PROM1: variants seen among roughly 807,000 people sequenced by gnomAD.
The protein encoded by PROM1 is prominin-1.
A neutral mutation model predicts 116.9 loss-of-function variants in PROM1; 105 were observed. That is an observed-to-expected ratio of 0.90 (90% CI 0.77 to 1.06). PROM1 has a LOEUF of 1.06. PROM1 is among the 50% of genes least tolerant of loss of function. PROM1 has a pLI of 0.00. For synonymous variants in PROM1, 393 were observed against 387.0 expected, an observed-to-expected ratio of 1.02 and a Z score of -0.18; for missense variants, 1,122 against 1,045.2, an observed-to-expected ratio of 1.07 and a Z score of -1.01.
In PROM1 at chr4:16,033,443, G is replaced by A. The variant is rs766545681; in HGVS notation, c.370C>T (p.Pro124Ser). Reference protein sequence around the residue: ...VLGLLFIILMPLVGYFFCMCR... With the variant: ...VLGLLFIILMSLVGYFFCMCR... ...ATACAAAAGAAATACCCCACCAGAGGCATCAGAATAATAAACAGCAGCCCC... is the reference window on the plus strand; with the variant it reads ...ATACAAAAGAAATACCCCACCAGAGACATCAGAATAATAAACAGCAGCCCC... Residue 124 changes from proline (P) to serine (S), a missense_variant, in exon 5 of 28, where the codon CCT (proline) becomes TCT (serine). Physicochemically the swap from Pro to Ser is moderately conservative, Grantham distance 74. Transcript: ENST00000447510. The A allele has an allele frequency of 6.2e-7, 1 of 1,613,488 alleles. No homozygotes were observed. The highest frequency in any genetic ancestry group is 8.5e-7 in the Non-Finnish European group (1 of 1,179,654).
At position 16,023,199 on chromosome 4, in the gene PROM1, C is replaced by T. The variant is rs970418592; in HGVS notation, c.784+127G>A. 5 of 773,810 alleles carry T rather than the reference C, an allele frequency of 6.5e-6. No homozygotes were observed. The East Asian group carries it at 1.4e-4, about 21-fold the overall frequency. The allele number at this position is 773,810 out of a possible 1,614,324, so 47.9% of individuals were successfully genotyped here. ...AACACAGTGTCTTGACCTGAACTGTCTGCATGGCCACGGACGGTGGCTCTC... is the reference window on the plus strand; with the variant it reads ...AACACAGTGTCTTGACCTGAACTGTTTGCATGGCCACGGACGGTGGCTCTC... On this transcript the variant is annotated intron_variant, in intron 8 of 27. Coordinates refer to ENST00000447510, the MANE Select transcript of PROM1 (RefSeq NM_006017.3).
chr4:16,050,218 G>A (rs1024685274), intron 2 of PROM1, among the ~76,000 whole-genome samples: 12 of 151,384 alleles, frequency 7.9e-5, no homozygotes, highest in African/African-American at 2.9e-4. Context: ...CCGAGATCAT[G>A]CCACTGAACT....
At chr4:16,003,496 G>T (rs1480910403) in intron 13 of PROM1, 1 of 443,436 alleles carries the variant, frequency 2.3e-6, no homozygotes, top group Non-Finnish European at 4.6e-6. Context: ...ACCTGTGGCT[G>T]CTCTTGGCAT....
chr4:16,068,399 G>A (rs990040904), intron 2 of PROM1, among the ~76,000 whole-genome samples: 3 of 152,162 alleles, frequency 2.0e-5, no homozygotes, highest in Non-Finnish European at 4.4e-5. Flanking sequence ...TTCCCAAACA[G>A]GCCAGTTGCT....
chr4:16,065,296 A>G (rs1277319697), intron 2 of PROM1, among the ~76,000 whole-genome samples: 1 of 152,096 alleles, frequency 6.6e-6, no homozygotes, highest in Admixed American at 6.5e-5. Context: ...GCCATGTCCT[A>G]TGAGCCTGTC....
intron 2 of PROM1, among the ~76,000 whole-genome samples, chr4:16,052,600 C>T (rs13149040): frequency 0.44 from 66,697 of 151,970 alleles, 16,046 homozygotes; most frequent in Non-Finnish European, 0.54. Flanking sequence ...ACCTCAGTCT[C>T]CTGAGTAGCT....
chr4:16,060,574 T>A (rs1026792093), intron 2 of PROM1, among the ~76,000 whole-genome samples: 2 of 151,952 alleles, frequency 1.3e-5, no homozygotes, highest in Admixed American at 6.6e-5. Flanking sequence ...GAAAAAAAAA[T>A]ATGTGTGTGT....
chr4:16,063,309 G>A (rs1578273285), intron 2 of PROM1, among the ~76,000 whole-genome samples: 1 of 152,064 alleles, frequency 6.6e-6, no homozygotes, highest in African/African-American at 2.4e-5. Flanking sequence ...AAAAATAGAT[G>A]TAAGGAGGCT....
chr4:15,980,380 C>T lies in PROM1; in HGVS notation c.2489+42G>A, dbSNP rs745319992. 6.1e-6 allele frequency: 8 copies of T among 1,319,328 alleles called. No homozygotes were observed. In the Admixed American group the frequency reaches 6.3e-5, roughly 10 times the overall value. The allele number at this position is 1,319,328 out of a possible 1,614,324, so 81.7% of individuals were successfully genotyped here. ...AGCAACTCTTTGAAGACAGCACCAC[C>T]TAGAAAATGACCCCCACGTCTGTGG... On this transcript the variant is annotated intron_variant, in intron 24 of 27. Coordinates refer to ENST00000447510, the MANE Select transcript of PROM1 (RefSeq NM_006017.3).
intron 26 of PROM1, among the ~76,000 whole-genome samples, chr4:15,973,676 C>A (rs986101804): frequency 4.6e-5 from 7 of 152,158 alleles, no homozygotes; most frequent in Non-Finnish European, 1.0e-4. Context: ...CCCCTTTCTG[C>A]CAATTTGATA....
At chr4:15,989,660 A>G in intron 19 of PROM1, 72 bp downstream of exon 19, 1 of 1,286,656 alleles carries the variant, frequency 7.8e-7, no homozygotes, top group Middle Eastern at 1.8e-4. Context: ...TCGTGAGGCT[A>G]AATGAAAGCC....
At chr4:16,036,707 G>T (rs1390334817) in intron 3 of PROM1, among the ~76,000 whole-genome samples, 1 of 152,186 alleles carries the variant, frequency 6.6e-6, no homozygotes, top group Non-Finnish European at 1.5e-5. Context: ...TAAACGACTT[G>T]CCCTGGAGTC....
intron 8 of PROM1, among the ~76,000 whole-genome samples, chr4:16,020,523 ACAGAAATACT>A (rs1432828448): frequency 1.3e-5 from 2 of 152,176 alleles, no homozygotes; most frequent in Non-Finnish European, 2.9e-5. Flanking sequence ...CCAGAAATAC[ACAGAAATACT>A]CAGAAATACA....
At chr4:16,008,652 G>A (rs754258650) in intron 12 of PROM1, among the ~76,000 whole-genome samples, 3 of 152,180 alleles carry the variant, frequency 2.0e-5, no homozygotes, top group Admixed American at 6.5e-5. Flanking sequence ...TTTGGCTCAC[G>A]AAGGTCCAGT....
intron 26 of PROM1, 68 bp from the exon 27 acceptor site, chr4:15,971,150 T>C: frequency 7.4e-7 from 1 of 1,356,902 alleles, no homozygotes; most frequent in South Asian, 1.3e-5. Context: ...ATCACCTCTG[T>C]GCTAAGAAGC....
chr4:16,035,581 A>G (rs1229945249), intron 4 of PROM1, among the ~76,000 whole-genome samples, 154 bp downstream of exon 4: 1 of 152,230 alleles, frequency 6.6e-6, no homozygotes, highest in East Asian at 1.9e-4. Flanking sequence ...CAACATGTAA[A>G]TATTACAGAG....
At chr4:16,076,182 C>T in intron 1 of PROM1, 64 bp from the exon 2 acceptor site, 1 of 492,392 alleles carries the variant, frequency 2.0e-6, no homozygotes, top group African/African-American at 1.9e-5. Flanking sequence ...CCTGGAGCTG[C>T]CCGGAGAGGA....
intron 26 of PROM1, among the ~76,000 whole-genome samples, chr4:15,976,450 G>T (rs888146622): frequency 3.3e-5 from 5 of 152,192 alleles, no homozygotes; most frequent in African/African-American, 1.2e-4. Flanking sequence ...GGACATCTGT[G>T]GCACTAATAG....
intron 13 of PROM1, among the ~76,000 whole-genome samples, chr4:16,005,491 GTTTGGT>G (rs898746428): frequency 3.2e-5 from 4 of 125,130 alleles, no homozygotes; most frequent in East Asian, 2.4e-4. Context: ...TTTTTTGTTT[GTTTGGT>G]GTGTGTGTGT....
Sources: allele counts gnomAD v4.1 joint callset (sites outside exome capture counted in the v4.1 genomes callset), GRCh38; gene constraint gnomAD v4.1.1; transcripts MANE v1.5; gene names NCBI Gene and HGNC (gene_info 2026-07-23, HGNC 2026-07-21).